The following ALPK1 variants were observed in gnomAD, a reference collection of about 807,000 sequenced individuals.
ALPK1 encodes the protein alpha-protein kinase 1.
ALPK1 carries 110 observed loss-of-function variants against 120.6 expected under a neutral mutation model. That is an observed-to-expected ratio of 0.91 (90% CI 0.78 to 1.07). ALPK1 has a LOEUF of 1.07. Among genes scored for constraint, ALPK1 ranks in the 50% least tolerant of loss-of-function variants. The pLI is 0.00. For synonymous variants in ALPK1, 582 were observed against 560.3 expected (o/e 1.04, Z -0.55); for missense variants, 1,498 against 1,483.9 (o/e 1.01, Z -0.16).
intron 2 of ALPK1, chr4:112,343,014 C>T (rs1284632202): frequency 6.5e-6 from 1 of 152,698 alleles, no homozygotes; most frequent in Non-Finnish European, 1.5e-5. Context: ...CCCTTCAGCT[C>T]CCCAGTCCTG....
In ALPK1 at chr4:112,432,295, C is replaced by T; in HGVS notation, c.2748C>T (p.Asn916=). The change falls in exon 11 of 16, where the codon AAC becomes AAT. Residue 916 remains asparagine (N), a synonymous_variant. Coordinates refer to ENST00000650871, the MANE Select transcript of ALPK1 (RefSeq NM_025144.4). ...CAGAGGAAGGAAATCAGCCTGGAAA[C>T]ATGCTAAACTGCAGCCAGAACTCCA... is the stretch of plus-strand genomic sequence containing the variant. ...TTTEEGNQPG[N]MLNCSQNSSS... 1 of 1,614,222 alleles carries T rather than the reference C, an allele frequency of 6.2e-7. No homozygotes were observed. The highest frequency in any genetic ancestry group is 8.5e-7 in the Non-Finnish European group (1 of 1,180,030).
intron 4 of ALPK1, among the ~76,000 whole-genome samples, chr4:112,406,809 G>C (rs1396238430): frequency 6.6e-6 from 1 of 152,166 alleles, no homozygotes; most frequent in Non-Finnish European, 1.5e-5. Context: ...ATACTACACA[G>C]ACAGGCTGAG....
At chr4:112,308,718 T>C (rs538705578) in intron 1 of ALPK1, among the ~76,000 whole-genome samples, 3 of 152,234 alleles carry the variant, frequency 2.0e-5, no homozygotes, top group Non-Finnish European at 4.4e-5. Flanking sequence ...TCAGAAAAGT[T>C]TGATCGTCTG....
At chr4:112,355,658 G>T (rs1730570051) in intron 2 of ALPK1, among the ~76,000 whole-genome samples, 2 of 152,196 alleles carry the variant, frequency 1.3e-5, no homozygotes, top group South Asian at 4.1e-4. Flanking sequence ...TTCTGCCTGT[G>T]GGCGATGGAA....
intron 2 of ALPK1, among the ~76,000 whole-genome samples, chr4:112,366,838 A>G (rs902018147): frequency 6.6e-6 from 1 of 152,240 alleles, no homozygotes; most frequent in African/African-American, 2.4e-5. Context: ...AAATTGTGGT[A>G]TATATACACC....
At chr4:112,378,137 G>A (rs1015929597) in intron 3 of ALPK1, among the ~76,000 whole-genome samples, 2 of 152,120 alleles carry the variant, frequency 1.3e-5, no homozygotes, top group Non-Finnish European at 2.9e-5. Flanking sequence ...CAGTAAACAT[G>A]AGGCTACAAG....
At chr4:112,354,002 C>T (rs1253168218) in intron 2 of ALPK1, among the ~76,000 whole-genome samples, 2 of 152,192 alleles carry the variant, frequency 1.3e-5, no homozygotes, top group African/African-American at 4.8e-5. Flanking sequence ...CATTTCTTCT[C>T]CTGTGAAGTG....
intron 4 of ALPK1, among the ~76,000 whole-genome samples, chr4:112,406,900 C>T (rs1330380707): frequency 6.6e-6 from 1 of 152,230 alleles, no homozygotes; most frequent in African/African-American, 2.4e-5. Context: ...TGTCCAATCA[C>T]ATTTCTACAT....
chr4:112,330,496 C>T (rs563990054), intron 2 of ALPK1, among the ~76,000 whole-genome samples: 14 of 152,256 alleles, frequency 9.2e-5, no homozygotes, highest in Middle Eastern at 3.4e-3. Flanking sequence ...ATATTGGCTA[C>T]GGTCCTTGTT....
intron 2 of ALPK1, among the ~76,000 whole-genome samples, chr4:112,339,288 T>G (rs1330207894): frequency 6.6e-6 from 1 of 152,188 alleles, no homozygotes; most frequent in East Asian, 1.9e-4. Context: ...CATAATCAAA[T>G]AAGAAGAAAT....
Position 112,439,778 on chromosome 4 carries a change from GA to G in ALPK1, c.3448del (p.Thr1150GlnfsTer33), listed in dbSNP as rs1371697491. 2 of 1,613,540 alleles carry G rather than the reference GA, an allele frequency of 1.2e-6. No homozygotes were observed. The highest frequency in any genetic ancestry group is 3.3e-5 in the Admixed American group (2 of 59,912). Reference protein sequence around the residue: ...VKLSNNTKVVKTEYKATEYGL... With the variant: ...VKLSNNTKVVXTEYKATEYGL... ...AATTGTCAAATAACACGAAAGTGGT[GA>G]AAACAGAATACAAAGCCACAGAATA... On this transcript the variant is annotated frameshift_variant, in exon 14 of 16. Coordinates refer to ENST00000650871, the MANE Select transcript of ALPK1 (RefSeq NM_025144.4). LOFTEE classifies it high-confidence loss of function.
chr4:112,321,803 ACTG>A (rs1478375234), intron 2 of ALPK1, among the ~76,000 whole-genome samples: 2 of 152,204 alleles, frequency 1.3e-5, no homozygotes, highest in Admixed American at 1.3e-4. Flanking sequence ...CATAATATGC[ACTG>A]CTATTTTAAT....
chr4:112,392,229 ACTT>A (rs1484217825), intron 4 of ALPK1, among the ~76,000 whole-genome samples: 2 of 152,026 alleles, frequency 1.3e-5, no homozygotes, highest in African/African-American at 4.8e-5. Context: ...TAATCTCTCA[ACTT>A]CTTCTCCCTC....
chr4:112,417,283 A>T (rs1733785870), intron 5 of ALPK1, among the ~76,000 whole-genome samples: 1 of 152,248 alleles, frequency 6.6e-6, no homozygotes, highest in South Asian at 2.1e-4. Context: ...GAGTAAAAAA[A>T]GATGATGACT....
intron 4 of ALPK1, among the ~76,000 whole-genome samples, chr4:112,387,512 A>G (rs1424322905): frequency 1.3e-5 from 2 of 152,184 alleles, no homozygotes; most frequent in African/African-American, 4.8e-5. Flanking sequence ...ATAGGTTGGC[A>G]CTAAAAGCAC....
At position 112,357,379 on chromosome 4, in the gene ALPK1, C is replaced by T. The variant is rs1419259395; in HGVS notation, c.-100-20299C>T. 1.6e-5 allele frequency: 11 copies of T among 697,778 alleles called. No homozygotes were observed. In the Admixed American group the frequency reaches 2.6e-4, roughly 17 times the overall value. 43.2% of individuals were successfully genotyped at this position (697,778 alleles called of 1,614,324 possible). A position where few individuals can be genotyped will look rare whatever the true frequency, so the allele number is the denominator to read the frequency against. ...CTGGTTCCCTGGCAGGGCTGGGGGC[C>T]TATAAAGTGCACATCCATCCTGATG... On this transcript the variant is annotated intron_variant, in intron 2 of 15. Transcript: ENST00000650871.
At chr4:112,358,657 G>A in intron 2 of ALPK1, 2 of 709,784 alleles carry the variant, frequency 2.8e-6, no homozygotes, top group Non-Finnish European at 2.5e-6. Flanking sequence ...GCCCACAGGT[G>A]CTCCACCCTG....
intron 13 of ALPK1, among the ~76,000 whole-genome samples, chr4:112,439,354 A>G (rs1734925676): frequency 1.3e-5 from 2 of 152,176 alleles, no homozygotes; most frequent in African/African-American, 4.8e-5. Flanking sequence ...AGAGTCCCTG[A>G]GCATGATCTA....
chr4:112,316,859 C>T (rs1347066286), intron 2 of ALPK1, among the ~76,000 whole-genome samples: 2 of 151,844 alleles, frequency 1.3e-5, no homozygotes, highest in African/African-American at 4.8e-5. Flanking sequence ...AAAACAGTAA[C>T]CTGTCATTCA....
Sources: allele counts gnomAD v4.1 joint callset (sites outside exome capture counted in the v4.1 genomes callset), GRCh38; gene constraint gnomAD v4.1.1; transcripts MANE v1.5; gene names NCBI Gene and HGNC (gene_info 2026-07-23, HGNC 2026-07-21).